The following NF1 variants were observed in gnomAD, a reference collection of about 807,000 sequenced individuals.
NF1 encodes the protein neurofibromin.
In NF1, 122 loss-of-function variants were observed where a neutral mutation model predicts 325.7. That is an observed-to-expected ratio of 0.37 (90% CI 0.32 to 0.44). The LOEUF is 0.44. Among genes scored for constraint, NF1 ranks in the 20% least tolerant of loss-of-function variants. NF1 has a pLI of 1.00. For synonymous variants in NF1, 1,091 were observed against 1,186.0 expected, an observed-to-expected ratio of 0.92 and a Z score of 1.65; for missense variants, 2,140 against 3,415.4, an observed-to-expected ratio of 0.63 and a Z score of 9.31.
intron 46 of NF1, 120 bp from the exon 47 acceptor site, chr17:31,340,385 C>CA: frequency 7.6e-7 from 1 of 1,314,702 alleles, no homozygotes. Context: ...TTATCTTCCC[C>CA]AAAAGAGAAA....
At chr17:31,232,592 A>T in intron 25 of NF1, 108 bp from the exon 26 acceptor site, 1 of 1,060,866 alleles carries the variant, frequency 9.4e-7, no homozygotes, top group Non-Finnish European at 1.4e-6. Context: ...AGAAACAGTT[A>T]ACCCAGGGCC....
Position 31,359,005 on chromosome 17 carries a change from C to T in NF1, c.8150C>T (p.Pro2717Leu), listed in dbSNP as rs778799019. The T allele has an allele frequency of 7.4e-6, 12 of 1,613,426 alleles. No homozygotes were observed. The Admixed American group carries it at 1.2e-4, about 16-fold the overall frequency. Residue 2717 changes from proline to leucine, a missense_variant, in exon 56 of 58, where the codon CCG (proline) becomes CTG (leucine). Physicochemically the swap from Pro to Leu is moderately conservative, Grantham distance 98 (BLOSUM62 -3). Coordinates refer to ENST00000358273, the MANE Select transcript of NF1 (RefSeq NM_001042492.3). Reference sequence around the variant, plus strand: ...AATGGCTTGTGGCGGTTTGCAGGACCGTTTTCAAAGGTAAGAAAATATATT... The same window carrying T: ...AATGGCTTGTGGCGGTTTGCAGGACTGTTTTCAAAGGTAAGAAAATATATT... Reference protein sequence around the residue: ...GFNGLWRFAGPFSKQTQIPDY... With the variant: ...GFNGLWRFAGLFSKQTQIPDY...
chr17:31,294,576 C>A, intron 36 of NF1: 1 of 186,286 alleles, frequency 5.4e-6, no homozygotes, highest in Non-Finnish European at 1.1e-5. Flanking sequence ...ACCAAGGTAC[C>A]CTAGAACAAA....
rs764123241 is a variant in NF1 at position 31,252,947 on chromosome 17, C to T, written c.4120C>T (p.His1374Tyr). ...VCHCLYQATCHSLLNKATVKE... is the reference protein window; with the variant it reads ...VCHCLYQATCYSLLNKATVKE... ...CATCTCTGTTCTGTAGGCAACTTGCCACTCCCTACTGAATAAAGCTACAGT... is the reference window on the plus strand; with the variant it reads ...CATCTCTGTTCTGTAGGCAACTTGCTACTCCCTACTGAATAAAGCTACAGT... The change falls in exon 31 of 58, where the codon CAC (histidine) becomes TAC (tyrosine). Residue 1374 changes from histidine to tyrosine, a missense_variant. Physicochemically the swap from His to Tyr is moderately conservative, Grantham distance 83. Transcript: ENST00000358273. 10 of 1,613,312 alleles carry T rather than the reference C, an allele frequency of 6.2e-6. No homozygotes were observed. Among genetic ancestry groups the T allele is most frequent in the Non-Finnish European group, 8.5e-6 (10 of 1,179,716 alleles).
chr17:31,127,372 T>C (rs1914972178), intron 1 of NF1, among the ~76,000 whole-genome samples: 1 of 152,162 alleles, frequency 6.6e-6, no homozygotes, highest in Non-Finnish European at 1.5e-5. Context: ...ATTGTTATGA[T>C]ATTGAGGCTT....
intron 3 of NF1, 62 bp from the exon 4 acceptor site, chr17:31,163,124 A>T: frequency 6.5e-7 from 1 of 1,545,028 alleles, no homozygotes. Context: ...GAAAATTTTC[A>T]TAATAGAAAA....
chr17:31,124,758 C>T (rs561212651), intron 1 of NF1, among the ~76,000 whole-genome samples: 23 of 151,440 alleles, frequency 1.5e-4, no homozygotes, highest in African/African-American at 4.6e-4. Context: ...TGCCACCATG[C>T]GGGCTAATTT....
At chr17:31,173,666 A>G (rs1257368924) in intron 5 of NF1, among the ~76,000 whole-genome samples, 1 of 152,082 alleles carries the variant, frequency 6.6e-6, no homozygotes, top group African/African-American at 2.4e-5. Context: ...GGTTAGAGAG[A>G]TATCACCAAA....
chr17:31,212,761 C>G (rs2066751026), intron 12 of NF1, among the ~76,000 whole-genome samples: 2 of 152,128 alleles, frequency 1.3e-5, no homozygotes, highest in African/African-American at 4.8e-5. Flanking sequence ...TATTTATTCT[C>G]ATCAAGTATT....
chr17:31,253,735 T>A (rs1319189825), intron 31 of NF1: 1 of 152,254 alleles, frequency 6.6e-6, no homozygotes, highest in Non-Finnish European at 1.5e-5. Context: ...AGAGTCGTAA[T>A]TATTTTCTTC....
intron 36 of NF1, among the ~76,000 whole-genome samples, chr17:31,285,880 A>C (rs2068217512): frequency 6.6e-6 from 1 of 152,178 alleles, no homozygotes; most frequent in South Asian, 2.1e-4. Context: ...GAACAGCCCC[A>C]GAGTTGTTTT....
chr17:31,126,366 A>G (rs1914890339), intron 1 of NF1, among the ~76,000 whole-genome samples: 1 of 151,888 alleles, frequency 6.6e-6, no homozygotes, highest in African/African-American at 2.4e-5. Context: ...AAGTGTCTGT[A>G]TATACTTTTT....
chr17:31,295,271 G>A, intron 36 of NF1: 1 of 1,614,140 alleles, frequency 6.2e-7, no homozygotes, highest in Non-Finnish European at 8.5e-7. Flanking sequence ...GAGATGAATA[G>A]TTAGAGTTGC....
At chr17:31,211,188 A>G (rs2066722078) in intron 12 of NF1, among the ~76,000 whole-genome samples, 1 of 152,212 alleles carries the variant, frequency 6.6e-6, no homozygotes, top group African/African-American at 2.4e-5. Context: ...ATCTTTGGCC[A>G]GATCACATGT....
intron 1 of NF1, among the ~76,000 whole-genome samples, chr17:31,129,893 T>G (rs2143453161): frequency 6.6e-6 from 1 of 152,258 alleles, no homozygotes; most frequent in East Asian, 1.9e-4. Context: ...CTATCCATAT[T>G]CTGAATTCTG....
At chr17:31,227,351 T>G in intron 19 of NF1, 60 bp downstream of exon 19, 1 of 1,547,980 alleles carries the variant, frequency 6.5e-7, no homozygotes, top group Non-Finnish European at 8.9e-7. Context: ...TGGAAGCCTC[T>G]TGTTACATAT....
intron 57 of NF1, among the ~76,000 whole-genome samples, chr17:31,366,841 C>G (rs1313537630): frequency 6.6e-6 from 1 of 152,148 alleles, no homozygotes; most frequent in Non-Finnish European, 1.5e-5. Flanking sequence ...ATGGTATTAC[C>G]TGACCTTTTT....
chr17:31,232,527 C>A (rs138834616), intron 25 of NF1, among the ~76,000 whole-genome samples, 173 bp from the exon 26 acceptor site: 1 of 152,002 alleles, frequency 6.6e-6, no homozygotes, highest in South Asian at 2.1e-4. Context: ...AAAATCATGT[C>A]CAACATAGCA....
At position 31,349,205 on chromosome 17, in the gene NF1, T is replaced by C. The variant is rs1060503904; in HGVS notation, c.7275T>C (p.Asn2425=). ...TAACTCTGGTTAACAAACACAGAAA[T>C]TGTGACAAATTTGAAGTGAATACAC... The part of the protein sequence containing the change: ...TLLTLVNKHR[N]CDKFEVNTQS... Residue 2425 remains asparagine, a synonymous_variant, in exon 49 of 58, where the codon AAT becomes AAC. Transcript: ENST00000358273. 5.0e-6 allele frequency: 8 copies of C among 1,613,480 alleles called. No homozygotes were observed. In the African/African-American group the frequency reaches 5.3e-5, roughly 11 times the overall value.
Sources: gnomAD v4.1 joint callset for allele counts (sites outside exome capture counted in the v4.1 genomes callset) on GRCh38, gnomAD v4.1.1 for gene constraint, MANE v1.5 for transcripts, NCBI Gene and HGNC (gene_info 2026-07-23, HGNC 2026-07-21) for gene names.